The following FGGY variants were observed in gnomAD, a reference collection of about 807,000 sequenced individuals.
FGGY encodes FGGY carbohydrate kinase domain containing.
Under a neutral mutation model 71.3 loss-of-function variants are expected in FGGY, and 72 were observed. That is an observed-to-expected ratio of 1.01 (90% CI 0.84 to 1.23). The LOEUF is 1.23. Ranked by LOEUF, FGGY falls within the 50% of genes most tolerant of loss-of-function variation. The pLI is 0.00. For synonymous variants in FGGY, 251 were observed against 250.3 expected, an observed-to-expected ratio of 1.00 and a Z score of -0.02; for missense variants, 668 against 682.3, an observed-to-expected ratio of 0.98 and a Z score of 0.23.
chr1:59,318,936 A>C (rs187957320), intron 1 of FGGY, among the ~76,000 whole-genome samples: 9 of 152,200 alleles, frequency 5.9e-5, no homozygotes, highest in South Asian at 4.1e-4. Context: ...AGGTTGGTAG[A>C]GGGAAGGTAG....
chr1:59,757,451 C>G (rs929514906), intron 14 of FGGY, among the ~76,000 whole-genome samples: 6 of 152,314 alleles, frequency 3.9e-5, no homozygotes, highest in Non-Finnish European at 8.8e-5. Context: ...GGAAAAAGAG[C>G]TGAAGTTGAA....
intron 10 of FGGY, among the ~76,000 whole-genome samples, chr1:59,637,893 A>G (rs979393452): frequency 6.6e-6 from 1 of 152,188 alleles, no homozygotes; most frequent in Non-Finnish European, 1.5e-5. Flanking sequence ...CAATAACCCT[A>G]TGAGGTAAGT....
intron 5 of FGGY, among the ~76,000 whole-genome samples, chr1:59,403,818 C>T (rs190481969): frequency 2.6e-5 from 4 of 152,236 alleles, no homozygotes; most frequent in East Asian, 1.9e-4. Flanking sequence ...CTGTAAGCCC[C>T]GGCCTCTCTG....
chr1:59,612,777 T>G (rs1305450932), intron 9 of FGGY, among the ~76,000 whole-genome samples: 2 of 151,950 alleles, frequency 1.3e-5, no homozygotes, highest in East Asian at 1.9e-4. Context: ...ACACACATAG[T>G]CTCAAAATAA....
intron 5 of FGGY, among the ~76,000 whole-genome samples, chr1:59,391,044 C>G (rs578128811): frequency 2.8e-4 from 42 of 152,286 alleles, no homozygotes; most frequent in African/African-American, 9.9e-4. Flanking sequence ...TTTGCTCTGC[C>G]ACTTTTAAGA....
chr1:59,484,273 A>G (rs2093591751), intron 6 of FGGY, among the ~76,000 whole-genome samples: 1 of 152,128 alleles, frequency 6.6e-6, no homozygotes, highest in African/African-American at 2.4e-5. Flanking sequence ...GTGCTGACTC[A>G]TTTGGCTTCC....
intron 12 of FGGY, among the ~76,000 whole-genome samples, chr1:59,660,982 T>A (rs1023144977): frequency 6.6e-6 from 1 of 152,170 alleles, no homozygotes; most frequent in African/African-American, 2.4e-5. Flanking sequence ...GGAGAGTAGA[T>A]CATGGTGTTC....
chr1:59,720,058 GGTGA>G (rs2097876165), intron 14 of FGGY, among the ~76,000 whole-genome samples: 1 of 152,198 alleles, frequency 6.6e-6, no homozygotes. Context: ...CTCTGTAAGA[GGTGA>G]GTGTTCTCGT....
intron 9 of FGGY, among the ~76,000 whole-genome samples, chr1:59,612,835 G>A (rs1394066264): frequency 6.6e-6 from 1 of 152,122 alleles, no homozygotes; most frequent in Non-Finnish European, 1.5e-5. Context: ...AAAAAAGGCA[G>A]GGGTTGCAAT....
At chr1:59,536,588 C>A (rs980931974) in intron 7 of FGGY, among the ~76,000 whole-genome samples, 1 of 152,170 alleles carries the variant, frequency 6.6e-6, no homozygotes, top group Admixed American at 6.5e-5. Context: ...CGGTAAAATA[C>A]TGGCAAACCG....
At chr1:59,672,554 C>A (rs1441496891) in intron 13 of FGGY, among the ~76,000 whole-genome samples, 1 of 152,198 alleles carries the variant, frequency 6.6e-6, no homozygotes, top group Non-Finnish European at 1.5e-5. Context: ...GCATTCCCAC[C>A]CCACCTGACA....
At chr1:59,634,585 T>A (rs753437746) in intron 10 of FGGY, among the ~76,000 whole-genome samples, 5 of 151,954 alleles carry the variant, frequency 3.3e-5, no homozygotes, top group Non-Finnish European at 7.4e-5. Flanking sequence ...CCCATAGAAT[T>A]AGGTGATTTA....
At chr1:59,750,178 C>G (rs1365195408) in intron 14 of FGGY, among the ~76,000 whole-genome samples, 1 of 152,172 alleles carries the variant, frequency 6.6e-6, no homozygotes, top group Admixed American at 6.5e-5. Flanking sequence ...AACCCAGTAT[C>G]TTTCTGCTAA....
chr1:59,563,711 A>T (rs2095831035), intron 8 of FGGY, among the ~76,000 whole-genome samples: 2 of 152,372 alleles, frequency 1.3e-5, no homozygotes, highest in South Asian at 4.1e-4. Context: ...ATATGGAACC[A>T]AAAAAGAGCC....
chr1:59,746,804 T>C (rs1274949538), intron 14 of FGGY, among the ~76,000 whole-genome samples: 1 of 152,178 alleles, frequency 6.6e-6, no homozygotes, highest in Non-Finnish European at 1.5e-5. Context: ...AAAATTTCCA[T>C]TTTTAAAATG....
rs1185647121 is a variant in FGGY, at chr1:59,648,801, G to A, written c.1221+10426G>A. 3.9e-5 allele frequency among the ~76,000 whole-genome samples: 6 copies of A among 152,200 alleles called. No homozygotes were observed. The East Asian group carries it at 1.2e-3, about 29-fold the overall frequency. On this transcript the variant is annotated intron_variant, in intron 11 of 15. Transcript: ENST00000303721. Reference sequence around the variant, plus strand: ...GGCTTTTGTTGCCATTGCTTTTTGTGTTTTAGACATGAAGTCCTTGCCCAT... The same window carrying A: ...GGCTTTTGTTGCCATTGCTTTTTGTATTTTAGACATGAAGTCCTTGCCCAT...
intron 6 of FGGY, among the ~76,000 whole-genome samples, chr1:59,461,025 A>C (rs563233551): frequency 6.6e-6 from 1 of 152,338 alleles, no homozygotes; most frequent in South Asian, 2.1e-4. Flanking sequence ...CCAAAGGATC[A>C]CAATTCCCTG....
intron 4 of FGGY, among the ~76,000 whole-genome samples, chr1:59,367,305 A>G (rs1033348774): frequency 3.3e-5 from 5 of 152,218 alleles, no homozygotes; most frequent in African/African-American, 9.6e-5. Flanking sequence ...TTCCAGCGTC[A>G]TATTTCTTTT....
At chr1:59,590,099 A>G (rs1271181584) in intron 8 of FGGY, among the ~76,000 whole-genome samples, 2 of 152,312 alleles carry the variant, frequency 1.3e-5, no homozygotes, top group East Asian at 3.9e-4. Flanking sequence ...AAAATGATAA[A>G]GGGAATATCA....
Sources: gnomAD v4.1 joint callset for allele counts (sites outside exome capture counted in the v4.1 genomes callset) on GRCh38, gnomAD v4.1.1 for gene constraint, MANE v1.5 for transcripts, NCBI Gene and HGNC (gene_info 2026-07-23, HGNC 2026-07-21) for gene names.